CPNE2: variants seen among roughly 807,000 people sequenced by gnomAD.
The protein encoded by CPNE2 is copine-2.
A neutral mutation model predicts 69.7 loss-of-function variants in CPNE2; 42 were observed. The observed-to-expected ratio is 0.60, with a 90% CI of 0.47 to 0.78. The LOEUF is 0.78. CPNE2 is among the 30% of genes least tolerant of loss of function. The pLI, the probability that CPNE2 is intolerant of heterozygous loss-of-function variation, is 0.00. For missense variants in CPNE2, 587 were observed against 732.0 expected (o/e 0.80, Z 2.29); for synonymous variants, 294 against 289.8 (o/e 1.01, Z -0.15).
intron 14 of CPNE2, among the ~76,000 whole-genome samples, chr16:57,145,263 C>G (rs1257531998): frequency 6.6e-6 from 1 of 152,152 alleles, no homozygotes; most frequent in Non-Finnish European, 1.5e-5. Flanking sequence ...CTTCCCTTTC[C>G]GTTGATAAGG....
intron 5 of CPNE2, 102 bp from the exon 6 acceptor site, chr16:57,119,093 C>T: frequency 1.9e-6 from 2 of 1,046,782 alleles, no homozygotes; most frequent in Admixed American, 3.6e-5. Context: ...CCCACAGCTC[C>T]TATCCTGACA....
intron 14 of CPNE2, chr16:57,143,373 C>CGGGTTAAAGTCCAGTACCAG (rs2069936144): frequency 6.6e-6 from 1 of 152,308 alleles, no homozygotes; most frequent in Non-Finnish European, 1.5e-5. Context: ...GGGCTCTGGG[C>CGGGTTAAAGTCCAGTACCAG]CCCACCCTGG....
chr16:57,129,643 AC>A (rs1240176738), intron 12 of CPNE2, among the ~76,000 whole-genome samples: 1 of 152,118 alleles, frequency 6.6e-6, no homozygotes, highest in African/African-American at 2.4e-5. Flanking sequence ...GCATGGCAAA[AC>A]CCCGTCTCTA....
chr16:57,147,264 G>A, intron 15 of CPNE2: 1 of 322,008 alleles, frequency 3.1e-6, no homozygotes, highest in Non-Finnish European at 5.7e-6. Flanking sequence ...ACACATAGGT[G>A]CTTCCCGCAG....
chr16:57,141,337 T>G (rs2069921403), intron 14 of CPNE2: 1 of 152,282 alleles, frequency 6.6e-6, no homozygotes, highest in South Asian at 2.1e-4. Context: ...GCTAGTCCTC[T>G]GGACATCCCA....
chr16:57,134,648 G>C, intron 12 of CPNE2, 127 bp from the exon 13 acceptor site: 1 of 958,624 alleles, frequency 1.0e-6, no homozygotes, highest in South Asian at 1.4e-5. Context: ...CAGTGGCCTA[G>C]AGGAGGGTAG....
chr16:57,139,093 A>G (rs2069903560), intron 14 of CPNE2, among the ~76,000 whole-genome samples: 1 of 152,238 alleles, frequency 6.6e-6, no homozygotes, highest in Non-Finnish European at 1.5e-5. Context: ...GACTTTTATT[A>G]TTTCTCAAAT....
At chr16:57,122,952 T>G (rs2069773821) in intron 9 of CPNE2, among the ~76,000 whole-genome samples, 1 of 152,016 alleles carries the variant, frequency 6.6e-6, no homozygotes, top group South Asian at 2.1e-4. Context: ...AAAGAGATTA[T>G]TAGAACTCTA....
At chr16:57,138,243 G>T (rs2069897251) in intron 14 of CPNE2, among the ~76,000 whole-genome samples, 1 of 152,138 alleles carries the variant, frequency 6.6e-6, no homozygotes, top group African/African-American at 2.4e-5. Context: ...TGAAAGAAGA[G>T]GGTTGCTGAA....
chr16:57,110,568 C>G, intron 1 of CPNE2, 140 bp from the exon 2 acceptor site: 1 of 493,904 alleles, frequency 2.0e-6, no homozygotes, highest in Non-Finnish European at 3.6e-6. Flanking sequence ...AAACCTTTGC[C>G]TATGTTATTT....
intron 7 of CPNE2, 22 bp downstream of exon 7, chr16:57,119,672 T>C: frequency 1.3e-6 from 2 of 1,544,356 alleles, no homozygotes; most frequent in Non-Finnish European, 8.8e-7. Flanking sequence ...CTGGGGACCC[T>C]GCTCCCCACC....
intron 1 of CPNE2, chr16:57,093,898 C>G: frequency 2.7e-6 from 1 of 369,622 alleles, no homozygotes; most frequent in Non-Finnish European, 5.4e-6. Flanking sequence ...GCAGCCTGCC[C>G]TGATGGGGAG....
intron 6 of CPNE2, 141 bp from the exon 7 acceptor site, chr16:57,119,420 C>A: frequency 9.0e-7 from 1 of 1,116,392 alleles, no homozygotes; most frequent in Non-Finnish European, 1.3e-6. Flanking sequence ...TGCTTCCTCC[C>A]AGCCACAGGG....
chr16:57,108,920 A>G (rs1016716701), intron 1 of CPNE2, among the ~76,000 whole-genome samples: 5 of 152,354 alleles, frequency 3.3e-5, no homozygotes, highest in Admixed American at 3.3e-4. Flanking sequence ...TCTGAGGCAT[A>G]TGGAGGGTTT....
At chr16:57,140,623 G>A (rs2069914760) in intron 14 of CPNE2, among the ~76,000 whole-genome samples, 1 of 151,864 alleles carries the variant, frequency 6.6e-6, no homozygotes, top group Non-Finnish European at 1.5e-5. Context: ...GAAGTGCAGT[G>A]GCACAGTCTC....
chr16:57,098,643 C>G (rs1345903036), intron 1 of CPNE2, among the ~76,000 whole-genome samples: 1 of 152,196 alleles, frequency 6.6e-6, no homozygotes, highest in East Asian at 1.9e-4. Flanking sequence ...TTCCCAAATT[C>G]TGGAATTCTG....
intron 9 of CPNE2, among the ~76,000 whole-genome samples, chr16:57,122,166 G>T (rs2069767880): frequency 6.6e-6 from 1 of 152,244 alleles, no homozygotes; most frequent in Non-Finnish European, 1.5e-5. Context: ...GGTACAGCCG[G>T]GGCCACTGAG....
rs370996174 is a variant in CPNE2 at position 57,110,781 on chromosome 16, G to A, written c.39G>A (p.Gly13=). ...CCAGTGGGGGTGCCCCAGCAGCGGG[G>A]GCAGCCCCCATGGGCCCCCAGTATT... The part of the protein sequence containing the change: ...HIPSGGAPAA[G]AAPMGPQYCV... Residue 13 remains glycine (G), a synonymous_variant, in exon 2 of 16, where the codon GGG becomes GGA. Coordinates refer to ENST00000290776, the MANE Select transcript of CPNE2 (RefSeq NM_152727.6). 4.3e-6 allele frequency: 7 copies of A among 1,613,272 alleles called. No homozygotes were observed. The highest frequency in any genetic ancestry group is 5.9e-6 in the Non-Finnish European group (7 of 1,179,700).
intron 10 of CPNE2, chr16:57,124,675 G>T (rs1597499518): frequency 3.9e-6 from 1 of 258,252 alleles, no homozygotes; most frequent in Non-Finnish European, 7.9e-6. Flanking sequence ...GGAGCCTCAG[G>T]CCCAGAAGGG....
Sources: gnomAD v4.1 joint callset for allele counts (sites outside exome capture counted in the v4.1 genomes callset) on GRCh38, gnomAD v4.1.1 for gene constraint, MANE v1.5 for transcripts, NCBI Gene and HGNC (gene_info 2026-07-23, HGNC 2026-07-21) for gene names.